MYRIP: variants seen among roughly 807,000 people sequenced by gnomAD.
MYRIP encodes rab effector MyRIP.
Under a neutral mutation model 98.0 loss-of-function variants are expected in MYRIP, and 49 were observed. That is an observed-to-expected ratio of 0.50 (90% CI 0.40 to 0.63). MYRIP has a LOEUF of 0.63. Among genes scored for constraint, MYRIP ranks in the 30% least tolerant of loss-of-function variants. The pLI, the probability that MYRIP is intolerant of heterozygous loss-of-function variation, is 0.00. For missense variants in MYRIP, 1,004 were observed against 1,058.2 expected (o/e 0.95, Z 0.71); for synonymous variants, 404 against 409.5 (o/e 0.99, Z 0.16).
intron 3 of MYRIP, among the ~76,000 whole-genome samples, chr3:40,088,146 A>G (rs941285609): frequency 1.3e-5 from 2 of 152,166 alleles, no homozygotes; most frequent in Non-Finnish European, 2.9e-5. Context: ...GGGGTCCCCA[A>G]GGCTTTTGGC....
chr3:39,958,777 C>T (rs1283337948), intron 2 of MYRIP, among the ~76,000 whole-genome samples: 5 of 152,100 alleles, frequency 3.3e-5, no homozygotes, highest in South Asian at 4.2e-4. Context: ...TACCATCTAC[C>T]CATCTGACAA....
intron 2 of MYRIP, among the ~76,000 whole-genome samples, chr3:39,964,763 T>G (rs1256482548): frequency 1.3e-5 from 2 of 152,214 alleles, no homozygotes; most frequent in African/African-American, 4.8e-5. Context: ...TGAAGCATAC[T>G]GCAGTAGAAT....
intron 7 of MYRIP, among the ~76,000 whole-genome samples, chr3:40,168,425 G>A (rs1390541857): frequency 6.6e-6 from 1 of 152,138 alleles, no homozygotes; most frequent in African/African-American, 2.4e-5. Flanking sequence ...CAGAATCATC[G>A]AACTCAAAGC....
At chr3:40,252,285 A>G (rs570249167) in intron 16 of MYRIP, among the ~76,000 whole-genome samples, 1 of 152,330 alleles carries the variant, frequency 6.6e-6, no homozygotes, top group East Asian at 1.9e-4. Flanking sequence ...GTATAGAGGA[A>G]ATAAGTCGTA....
chr3:40,026,349 T>G (rs1947128256), intron 2 of MYRIP, among the ~76,000 whole-genome samples: 1 of 150,404 alleles, frequency 6.6e-6, no homozygotes, highest in Admixed American at 6.7e-5. Flanking sequence ...TCTGTTCTTT[T>G]TCAAGGTGCA....
At chr3:40,016,400 G>A (rs1444213696) in intron 2 of MYRIP, among the ~76,000 whole-genome samples, 1 of 152,134 alleles carries the variant, frequency 6.6e-6, no homozygotes, top group Admixed American at 6.5e-5. Flanking sequence ...CCACCAAACA[G>A]GATCTGCCTC....
intron 3 of MYRIP, among the ~76,000 whole-genome samples, chr3:40,076,422 A>G (rs1948344251): frequency 1.3e-5 from 2 of 152,204 alleles, no homozygotes; most frequent in South Asian, 4.1e-4. Context: ...GCTTTGGAAA[A>G]AAATCACATT....
chr3:40,164,521 C>A (rs1393755802), intron 5 of MYRIP, among the ~76,000 whole-genome samples: 2 of 152,146 alleles, frequency 1.3e-5, no homozygotes, highest in Admixed American at 1.3e-4. Context: ...GGAGGGCAAC[C>A]CTTACATGAA....
chr3:40,139,845 G>T (rs914162286), intron 3 of MYRIP, among the ~76,000 whole-genome samples: 9 of 152,308 alleles, frequency 5.9e-5, no homozygotes, highest in South Asian at 2.1e-4. Flanking sequence ...CTCCCAAAGT[G>T]CTGGGATTAC....
chr3:40,033,367 C>A (rs1223182348), intron 2 of MYRIP, among the ~76,000 whole-genome samples: 1 of 151,958 alleles, frequency 6.6e-6, no homozygotes, highest in African/African-American at 2.4e-5. Context: ...GCAACTTCAG[C>A]AAAGTGTCAG....
At chr3:40,118,040 CTAAAAA>C (rs1214206379) in intron 3 of MYRIP, among the ~76,000 whole-genome samples, 1 of 151,860 alleles carries the variant, frequency 6.6e-6, no homozygotes, top group Non-Finnish European at 1.5e-5. Context: ...AGCCCAAAAC[CTAAAAA>C]TAAAGGGACA....
intron 1 of MYRIP, among the ~76,000 whole-genome samples, chr3:39,858,179 CTG>C (rs1275623555): frequency 1.3e-5 from 2 of 152,012 alleles, no homozygotes; most frequent in African/African-American, 4.8e-5. Context: ...CACACATAGA[CTG>C]AAAGTGAAAG....
At chr3:39,936,589 C>A (rs1258796749) in intron 2 of MYRIP, among the ~76,000 whole-genome samples, 2 of 152,162 alleles carry the variant, frequency 1.3e-5, no homozygotes, top group East Asian at 3.9e-4. Context: ...CTGAGTTGCA[C>A]AGCCACATGA....
intron 9 of MYRIP, among the ~76,000 whole-genome samples, chr3:40,188,324 C>T (rs1419655721): frequency 1.3e-5 from 2 of 152,150 alleles, no homozygotes; most frequent in Non-Finnish European, 2.9e-5. Context: ...TAAAGTAAGA[C>T]CCTGCTTCAG....
chr3:40,203,593 C>G (rs1257499460), intron 10 of MYRIP, among the ~76,000 whole-genome samples: 2 of 146,716 alleles, frequency 1.4e-5, no homozygotes, highest in Admixed American at 7.0e-5. Flanking sequence ...AGTATTCTAT[C>G]GTTAAGTGTT....
chr3:40,230,084 T>A (rs1364370293), intron 11 of MYRIP, among the ~76,000 whole-genome samples: 3 of 152,200 alleles, frequency 2.0e-5, no homozygotes, highest in African/African-American at 7.2e-5. Flanking sequence ...GCTGCAAGTG[T>A]CTTGAGACTC....
At chr3:39,952,992 T>A (rs1945064774) in intron 2 of MYRIP, among the ~76,000 whole-genome samples, 1 of 152,178 alleles carries the variant, frequency 6.6e-6, no homozygotes, top group South Asian at 2.1e-4. Context: ...TTCATGTTGG[T>A]TGTCCCAAAT....
intron 3 of MYRIP, among the ~76,000 whole-genome samples, chr3:40,057,791 A>G (rs1458130717): frequency 2.0e-5 from 3 of 152,324 alleles, no homozygotes; most frequent in South Asian, 2.1e-4. Flanking sequence ...TTTCCATCCT[A>G]TATCCATGCA....
intron 2 of MYRIP, among the ~76,000 whole-genome samples, chr3:39,950,134 T>C (rs1226192947): frequency 6.6e-6 from 1 of 152,182 alleles, no homozygotes; most frequent in Non-Finnish European, 1.5e-5. Flanking sequence ...TTAGGGTATG[T>C]TTTTCAAAAA....
Sources: gnomAD v4.1 joint callset for allele counts (sites outside exome capture counted in the v4.1 genomes callset) on GRCh38, gnomAD v4.1.1 for gene constraint, MANE v1.5 for transcripts, NCBI Gene and HGNC (gene_info 2026-07-23, HGNC 2026-07-21) for gene names.